USP24: variants seen among roughly 807,000 people sequenced by gnomAD.
USP24 encodes the protein ubiquitin specific peptidase 24.
In USP24, 97 loss-of-function variants were observed where a neutral mutation model predicts 361.6. That is an observed-to-expected ratio of 0.27 (90% CI 0.23 to 0.32). USP24 has a LOEUF of 0.32. Among genes scored for constraint, USP24 ranks in the 10% least tolerant of loss-of-function variants. USP24 has a pLI of 1.00. For missense variants in USP24, 2,353 were observed against 3,165.6 expected, an observed-to-expected ratio of 0.74 and a Z score of 6.16; for synonymous variants, 1,098 against 1,124.6, an observed-to-expected ratio of 0.98 and a Z score of 0.47.
At chr1:55,086,167 G>A in intron 55 of USP24, 129 bp from the exon 56 acceptor site, 1 of 771,358 alleles carries the variant, frequency 1.3e-6, no homozygotes, top group South Asian at 1.7e-5. Flanking sequence ...GCGCTTATGG[G>A]CCAAGTGGAG....
chr1:55,132,484 A>G, intron 31 of USP24, 61 bp downstream of exon 31: 1 of 1,515,800 alleles, frequency 6.6e-7, no homozygotes. Flanking sequence ...ATCTGAAAGC[A>G]TGAATCGATA....
chr1:55,166,457 T>A (rs1391707221), intron 6 of USP24, 111 bp downstream of exon 6: 5 of 987,392 alleles, frequency 5.1e-6, no homozygotes, highest in Non-Finnish European at 6.0e-6. Flanking sequence ...CCTTAAAGCA[T>A]TTTTTTTATT....
chr1:55,208,350 A>C (rs1196322982), intron 1 of USP24, among the ~76,000 whole-genome samples: 3 of 152,208 alleles, frequency 2.0e-5, no homozygotes, highest in African/African-American at 7.2e-5. Flanking sequence ...AATGTTGGCC[A>C]GGTGCGGAGG....
chr1:55,073,048 TGGG>T (rs1433849613), intron 64 of USP24, 187 bp from the exon 65 acceptor site: 1 of 594,168 alleles, frequency 1.7e-6, no homozygotes, highest in Non-Finnish European at 2.9e-6. Flanking sequence ...CCCCAGGGGC[TGGG>T]GGAAGGGAGG....
chr1:55,199,623 G>GAC (rs1644514121), intron 1 of USP24, among the ~76,000 whole-genome samples: 2 of 140,414 alleles, frequency 1.4e-5, no homozygotes, highest in Non-Finnish European at 3.1e-5. Flanking sequence ...GTGTGTGTGT[G>GAC]AGAGAGAGAG....
chr1:55,073,958 G>T, intron 63 of USP24, 52 bp from the exon 64 acceptor site: 1 of 1,444,812 alleles, frequency 6.9e-7, no homozygotes, highest in Non-Finnish European at 9.5e-7. Context: ...ACTGAAAATG[G>T]CTCCAAGTGA....
intron 1 of USP24, among the ~76,000 whole-genome samples, chr1:55,198,339 G>A (rs1334069575): frequency 6.6e-6 from 1 of 152,122 alleles, no homozygotes; most frequent in Non-Finnish European, 1.5e-5. Flanking sequence ...GTTCTAATCT[G>A]TCTTAATGGA....
intron 16 of USP24, among the ~76,000 whole-genome samples, chr1:55,150,748 T>G (rs1323157431): frequency 6.6e-6 from 1 of 152,254 alleles, no homozygotes; most frequent in African/African-American, 2.4e-5. Context: ...TGATATAGCC[T>G]TCTTAAAGTT....
intron 38 of USP24, among the ~76,000 whole-genome samples, chr1:55,119,842 A>T (rs1396337854): frequency 6.6e-6 from 1 of 152,110 alleles, no homozygotes; most frequent in Admixed American, 6.5e-5. Context: ...CAAATTTATC[A>T]GTCTTTTATT....
At chr1:55,205,381 A>G (rs1644679744) in intron 1 of USP24, among the ~76,000 whole-genome samples, 1 of 152,222 alleles carries the variant, frequency 6.6e-6, no homozygotes, top group Non-Finnish European at 1.5e-5. Flanking sequence ...GGGGCAGGAA[A>G]GGCAACTAAA....
intron 1 of USP24, among the ~76,000 whole-genome samples, chr1:55,197,051 T>C (rs1034816520): frequency 1.3e-5 from 2 of 152,238 alleles, no homozygotes; most frequent in Non-Finnish European, 2.9e-5. Flanking sequence ...CTAAGTTGAA[T>C]AGCTACAACA....
Position 55,075,869 on chromosome 1 carries a change from T to G in USP24, c.7381-346A>C, listed in dbSNP as rs547753820. On this transcript the variant is annotated intron_variant, in intron 62 of 67. Transcript: ENST00000294383. ...CTGTAGTCCCAGCTATACAGGAGGC[T>G]GAGGCAAAAGGATCATTTGTGCCTA... Among the ~76,000 whole-genome samples, 8 of 152,208 alleles carry G rather than the reference T, an allele frequency of 5.3e-5. No individual in the cohort carries two copies. The South Asian group carries it at 1.5e-3, about 28-fold the overall frequency.
intron 43 of USP24, among the ~76,000 whole-genome samples, 183 bp downstream of exon 43, chr1:55,101,401 C>A (rs1645630318): frequency 1.3e-5 from 2 of 152,292 alleles, no homozygotes; most frequent in South Asian, 4.1e-4. Flanking sequence ...CTTATTACAA[C>A]AGCAACTTTA....
At chr1:55,119,942 A>G (rs1646231168) in intron 38 of USP24, among the ~76,000 whole-genome samples, 1 of 152,214 alleles carries the variant, frequency 6.6e-6, no homozygotes, top group African/African-American at 2.4e-5. Context: ...ATAAACAAGG[A>G]AAGGAAACAT....
In USP24 at chr1:55,128,794, A is replaced by C. The variant is rs904812479; in HGVS notation, c.3635+683T>G. On this transcript the variant is annotated intron_variant, in intron 32 of 67. Transcript: ENST00000294383. ...CACTGGTGCTATTACTGCTCACTGCAACTTCCACCTCCCGGGCTCAAGTGA... is the reference window on the plus strand; with the variant it reads ...CACTGGTGCTATTACTGCTCACTGCCACTTCCACCTCCCGGGCTCAAGTGA... 4.1e-5 allele frequency among the ~76,000 whole-genome samples: 6 copies of C among 147,426 alleles called. No homozygotes were observed. In the Admixed American group the frequency reaches 4.2e-4, roughly 10 times the overall value.
At chr1:55,171,425 G>T in intron 5 of USP24, 131 bp downstream of exon 5, 1 of 1,153,312 alleles carries the variant, frequency 8.7e-7, no homozygotes, top group Non-Finnish European at 1.2e-6. Flanking sequence ...GCAATTTTAT[G>T]AGCCAGATGG....
intron 1 of USP24, among the ~76,000 whole-genome samples, chr1:55,212,526 A>G (rs965184292): frequency 1.3e-5 from 2 of 152,188 alleles, no homozygotes; most frequent in Non-Finnish European, 2.9e-5. Context: ...CACCCTGTAG[A>G]TGCTGGATAA....
At chr1:55,101,398 C>CA (rs1645630224) in intron 43 of USP24, among the ~76,000 whole-genome samples, 186 bp downstream of exon 43, 1 of 152,164 alleles carries the variant, frequency 6.6e-6, no homozygotes, top group Non-Finnish European at 1.5e-5. Context: ...CAGCTTATTA[C>CA]AACAGCAACT....
intron 1 of USP24, among the ~76,000 whole-genome samples, chr1:55,180,456 G>T (rs1229037077): frequency 6.6e-6 from 1 of 152,140 alleles, no homozygotes; most frequent in Admixed American, 6.5e-5. Flanking sequence ...GAAGGCCAGA[G>T]GAGGAGCCTT....
Sources: gnomAD v4.1 joint callset for allele counts (sites outside exome capture counted in the v4.1 genomes callset) on GRCh38, gnomAD v4.1.1 for gene constraint, MANE v1.5 for transcripts, NCBI Gene and HGNC (gene_info 2026-07-23, HGNC 2026-07-21) for gene names.